Variants in CALCOCO2 observed in about 807,000 individuals in gnomAD.
The protein encoded by CALCOCO2 is calcium binding and coiled-coil domain 2.
Under a neutral mutation model 62.5 loss-of-function variants are expected in CALCOCO2, and 42 were observed. The ratio of observed to expected loss-of-function variants is 0.67; its 90% CI spans 0.53 to 0.87. The LOEUF is 0.87. Among genes scored for constraint, CALCOCO2 ranks in the 40% least tolerant of loss-of-function variants. CALCOCO2 has a pLI of 0.00. For missense variants in CALCOCO2, 456 were observed against 515.0 expected (o/e 0.89, Z 1.11); for synonymous variants, 167 against 173.0 (o/e 0.97, Z 0.27).
In CALCOCO2 at chr17:48,851,640, CAT is replaced by C; in HGVS notation, c.702+15_702+16del. On this transcript the variant is annotated intron_variant, in intron 7 of 12. Transcript: ENST00000258947. The stretch of plus-strand genomic sequence containing the variant: ...TGGATCAGCTTCAGGTAGGTAATGC[CAT>C]ATGTTTGTCAAAGGATATTTTCTTA... 6.7e-7 allele frequency: 1 copy of C among 1,490,028 alleles called. No homozygotes were observed. The allele number at this position is 1,490,028 out of a possible 1,614,324, so 92.3% of individuals were successfully genotyped here.
chr17:48,855,297 A>C (rs914490269), intron 9 of CALCOCO2, among the ~76,000 whole-genome samples: 2 of 152,178 alleles, frequency 1.3e-5, no homozygotes, highest in Non-Finnish European at 2.9e-5. Context: ...AAGAGCCATC[A>C]GGAGCCAACG....
At chr17:48,857,970 A>T in intron 10 of CALCOCO2, among the ~76,000 whole-genome samples, 1 of 126,850 alleles carries the variant, frequency 7.9e-6, no homozygotes, top group East Asian at 2.1e-4. Context: ...GAGCAAGACT[A>T]CATCAATAGA....
At position 48,863,577 on chromosome 17, in the gene CALCOCO2, C is replaced by T. The variant is rs891501415; in HGVS notation, c.*572C>T. On this transcript the variant is annotated 3_prime_UTR_variant, in exon 13 of 13. Transcript: ENST00000258947. Reference sequence around the variant, plus strand: ...TCTCAGCCCCCAAAGAAGCATCTTACTCCTGAACCTTAGACAGGAAGTATT... The same window carrying T: ...TCTCAGCCCCCAAAGAAGCATCTTATTCCTGAACCTTAGACAGGAAGTATT... The T allele has an allele frequency of 1.3e-5, 2 of 156,932 alleles. No homozygotes were observed. The highest frequency in any genetic ancestry group is 4.8e-5 in the African/African-American group (2 of 41,468). 9.7% of individuals were successfully genotyped at this position (156,932 alleles called of 1,614,324 possible).
At position 48,862,921 on chromosome 17, in the gene CALCOCO2, T is replaced by C. The variant is rs34042259; in HGVS notation, c.1257T>C (p.Cys419=). 1.6e-3 allele frequency: 2,539 copies of C among 1,613,978 alleles called. 40 individuals are homozygous for C. The African/African-American group carries it at 0.03, about 19-fold the overall frequency. The change falls in exon 13 of 13, where the codon TGT becomes TGC. Residue 419 remains cysteine (C), a synonymous_variant. Coordinates refer to ENST00000258947, the MANE Select transcript of CALCOCO2 (RefSeq NM_005831.5). The stretch of plus-strand genomic sequence containing the variant: ...AGCAACAGCAGATGCAGCCCCTTTG[T>C]TTCAATTGTCCAATTTGTGACAAGA... ...TLEQQQMQPL[C]FNCPICDKIF... is the part of the protein sequence containing the mutation.
intron 11 of CALCOCO2, among the ~76,000 whole-genome samples, chr17:48,860,790 G>GA (rs141537460): frequency 0.022 from 3,289 of 152,230 alleles, 47 homozygotes; most frequent in Admixed American, 0.036. Context: ...GGTAGCAAGA[G>GA]AGGCAAGTTA....
chr17:48,835,720 T>TTTTTC (rs148812139), intron 1 of CALCOCO2, among the ~76,000 whole-genome samples: 42 of 143,172 alleles, frequency 2.9e-4, no homozygotes, highest in African/African-American at 1.1e-3. Context: ...AGATTGGTTG[T>TTTTTC]TTTTCTTTTC....
chr17:48,852,752 C>G, intron 8 of CALCOCO2, 124 bp downstream of exon 8: 3 of 1,050,980 alleles, frequency 2.9e-6, no homozygotes, highest in Non-Finnish European at 4.2e-6. Flanking sequence ...GGAAAGGGCT[C>G]AGAGGAAGCT....
chr17:48,855,833 C>G (rs2040206635), intron 9 of CALCOCO2: 1 of 218,698 alleles, frequency 4.6e-6, no homozygotes. Flanking sequence ...TGCTTTTTCC[C>G]TCCTTGGTCA....
intron 5 of CALCOCO2, 112 bp from the exon 6 acceptor site, chr17:48,850,977 A>T: frequency 1.5e-6 from 1 of 658,728 alleles, no homozygotes; most frequent in Non-Finnish European, 2.8e-6. Context: ...CTGCTGTGTC[A>T]TGCTATGCCT....
At position 48,854,378 on chromosome 17, in the gene CALCOCO2, T is replaced by TTTTATATATATATA. The variant is rs1489635512; in HGVS notation, c.912+1367_912+1368insTTATATATATATAT. On this transcript the variant is annotated intron_variant, in intron 9 of 12. Transcript: ENST00000258947. ...AGGTATGGATTTCCTTGGTTTTCTTTTATTTATATATATATATATTTTTTT... is the reference window on the plus strand; with the variant it reads ...AGGTATGGATTTCCTTGGTTTTCTTTTTTATATATATATATATTTATATATATATATATTTTTTT... 7.7e-3 allele frequency among the ~76,000 whole-genome samples: 93 copies of TTTTATATATATATA among 12,144 alleles called. 1 individual carries two copies. Among genetic ancestry groups the TTTTATATATATATA allele is most frequent in the East Asian group, 0.028 (3 of 108 alleles). 8.0% of individuals were successfully genotyped at this position (12,144 alleles called of 152,430 possible).
chr17:48,861,661 G>GTGTATATATATATATATATA (rs573456839), intron 11 of CALCOCO2, among the ~76,000 whole-genome samples: 1 of 135,158 alleles, frequency 7.4e-6, no homozygotes, highest in African/African-American at 2.9e-5. Flanking sequence ...ATGTGTGTGT[G>GTGTATATATATATATATATA]TATATATATA....
At chr17:48,842,815 A>G (rs186063440) in intron 2 of CALCOCO2, among the ~76,000 whole-genome samples, 1 of 151,806 alleles carries the variant, frequency 6.6e-6, no homozygotes, top group Admixed American at 6.6e-5. Context: ...TAATTTTTGT[A>G]TTTTTAGAAG....
chr17:48,851,017 G>C, intron 5 of CALCOCO2, 72 bp from the exon 6 acceptor site: 1 of 794,220 alleles, frequency 1.3e-6, no homozygotes, highest in Non-Finnish European at 2.2e-6. Flanking sequence ...ATAAATATTT[G>C]TTGCCTGCCT....
chr17:48,862,013 C>T lies in CALCOCO2; in HGVS notation c.1145-263C>T, dbSNP rs188046615. 1.2e-3 allele frequency among the ~76,000 whole-genome samples: 179 copies of T among 149,236 alleles called. 3 individuals are homozygous for T. Among genetic ancestry groups the T allele is most frequent in the African/African-American group, 4.3e-3 (175 of 40,436 alleles). ...GCAGTGAGCTGAGATCACACTAGTGCACTCCAGCCTAGGCGACAAAGCGAG... is the reference window on the plus strand; with the variant it reads ...GCAGTGAGCTGAGATCACACTAGTGTACTCCAGCCTAGGCGACAAAGCGAG... On this transcript the variant is annotated intron_variant, in intron 11 of 12. Transcript: ENST00000258947.
intron 2 of CALCOCO2, among the ~76,000 whole-genome samples, chr17:48,845,401 G>C (rs1312675366): frequency 2.8e-5 from 4 of 140,772 alleles, no homozygotes; most frequent in Admixed American, 7.1e-5. Context: ...GTGTGTGTGT[G>C]TGTGTGTGTG....
At chr17:48,844,198 T>C (rs530822111) in intron 2 of CALCOCO2, among the ~76,000 whole-genome samples, 12 of 152,198 alleles carry the variant, frequency 7.9e-5, no homozygotes, top group African/African-American at 2.9e-4. Context: ...AACTGGATTT[T>C]AAATTTTACT....
In CALCOCO2 at chr17:48,852,636, C is replaced by A. The variant is rs371138584; in HGVS notation, c.825+8C>A. The A allele has an allele frequency of 1.2e-5, 19 of 1,608,650 alleles. No individual in the cohort carries two copies. Among genetic ancestry groups the A allele is most frequent in the Admixed American group, 1.7e-5 (1 of 58,068 alleles). On this transcript the variant is annotated splice_region_variant and intron_variant, in intron 8 of 12. Coordinates refer to ENST00000258947, the MANE Select transcript of CALCOCO2 (RefSeq NM_005831.5). ...CTCAGTTTAACTGAACAGGTAGAGT[C>A]ATGAGAGAAAACAACACTTTTAGGC... is the stretch of plus-strand genomic sequence containing the variant.
At chr17:48,862,134 G>GTA (rs2040338110) in intron 11 of CALCOCO2, 142 bp from the exon 12 acceptor site, 2 of 723,646 alleles carry the variant, frequency 2.8e-6, no homozygotes, top group African/African-American at 3.5e-5. Context: ...AGAAGTAACG[G>GTA]TATATATATG....
chr17:48,858,046 A>ATAG, intron 10 of CALCOCO2, among the ~76,000 whole-genome samples: 8,178 of 39,630 alleles, frequency 0.21, 2,565 homozygotes, highest in Middle Eastern at 0.34. Flanking sequence ...ATAGAATAGA[A>ATAG]AATAGAATAG....
Sources: gnomAD v4.1 joint callset for allele counts (sites outside exome capture counted in the v4.1 genomes callset) on GRCh38, gnomAD v4.1.1 for gene constraint, MANE v1.5 for transcripts, NCBI Gene and HGNC (gene_info 2026-07-23, HGNC 2026-07-21) for gene names.